The following KCNG4 variants were observed in gnomAD, a reference collection of about 807,000 sequenced individuals.
KCNG4 encodes the protein voltage-gated potassium channel regulatory subunit KCNG4.
Under a neutral mutation model 28.2 loss-of-function variants are expected in KCNG4, and 30 were observed. The ratio of observed to expected loss-of-function variants is 1.06; its 90% confidence interval spans 0.80 to 1.44. KCNG4 has a LOEUF of 1.44. Ranked by LOEUF, KCNG4 falls within the 40% of genes most tolerant of loss-of-function variation. KCNG4 has a pLI of 0.00. For synonymous variants in KCNG4, 375 were observed against 315.5 expected (o/e 1.19, Z -2.00); for missense variants, 879 against 712.3 (o/e 1.23, Z -2.66).
chr16:84,230,761 AG>A (rs1904809333), intron 2 of KCNG4, among the ~76,000 whole-genome samples: 1 of 152,196 alleles, frequency 6.6e-6, no homozygotes, highest in Admixed American at 6.5e-5. Context: ...TGGTTGCCAT[AG>A]GGTGTGCATG....
Position 84,236,966 on chromosome 16 carries a change from C to G in KCNG4, c.520G>C (p.Glu174Gln). ...TCCTCCCTGTGCAGCTTGGCCAGCT[C>G]CTCCAGCTCCTCCAGCTTCCTCAGC... Reference protein sequence around the residue: ...KLLRKLEELEELAKLHREDVL... With the variant: ...KLLRKLEELEQLAKLHREDVL... Residue 174 changes from glutamate (E) to glutamine (Q), a missense_variant, in exon 2 of 3, where the codon GAG becomes CAG. By Grantham distance (29) the Glu-to-Gln change is conservative (BLOSUM62 2). Coordinates refer to ENST00000308251, the MANE Select transcript of KCNG4 (RefSeq NM_172347.3). 6.2e-7 allele frequency: 1 copy of G among 1,613,270 alleles called. No homozygotes were observed. The highest frequency in any genetic ancestry group is 8.5e-7 in the Non-Finnish European group (1 of 1,179,668).
rs58296563 is a variant in KCNG4, at chr16:84,224,403, T to TACACACACACACACACACAC, written c.757-1403_757-1384dup. Among the ~76,000 whole-genome samples, 6 of 58,640 alleles carry TACACACACACACACACACAC rather than the reference T, an allele frequency of 1.0e-4. 1 individual carries two copies. The highest frequency in any genetic ancestry group is 1.8e-4 in the Non-Finnish European group (5 of 28,160). The allele number at this position is 58,640 out of a possible 152,430, so 38.5% of individuals were successfully genotyped here. On this transcript the variant is annotated intron_variant, in intron 2 of 2. Coordinates refer to ENST00000308251, the MANE Select transcript of KCNG4 (RefSeq NM_172347.3). ...GGTAGAAAACTTTGCTATACATATT[T>TACACACACACACACACACAC]ACACACACACACACACACACACACA...
In KCNG4 at chr16:84,237,212, G is replaced by C. The variant is rs1301190896; in HGVS notation, c.274C>G (p.Arg92Gly). ...AGCTGCACGATCTCCTCGTAGCTCC[G>C]ACAGAGCCTGAGTTTGCTCAGGCGG... ...LSRLSKLRLC[R>G]SYEEIVQLCD... The change falls in exon 2 of 3, where the codon CGG becomes GGG. Residue 92 changes from arginine (R) to glycine (G), a missense_variant. Coordinates refer to ENST00000308251, the MANE Select transcript of KCNG4 (RefSeq NM_172347.3). 9.3e-6 allele frequency: 15 copies of C among 1,614,102 alleles called. No homozygotes were observed. Among genetic ancestry groups the C allele is most frequent in the Admixed American group, 1.7e-5 (1 of 60,018 alleles).
chr16:84,238,679 C>G (rs1450475058), intron 1 of KCNG4, among the ~76,000 whole-genome samples: 1 of 152,146 alleles, frequency 6.6e-6, no homozygotes, highest in Non-Finnish European at 1.5e-5. Flanking sequence ...TCGAGACCAG[C>G]CTGGCCAATG....
At chr16:84,223,506 C>A (rs1443031848) in intron 2 of KCNG4, among the ~76,000 whole-genome samples, 1 of 152,134 alleles carries the variant, frequency 6.6e-6, no homozygotes, top group Non-Finnish European at 1.5e-5. Flanking sequence ...TAAAACTATT[C>A]TAGTTTGGGG....
chr16:84,234,234 C>A (rs1904890122), intron 2 of KCNG4, among the ~76,000 whole-genome samples: 1 of 152,204 alleles, frequency 6.6e-6, no homozygotes, highest in Admixed American at 6.5e-5. Flanking sequence ...AGTGCAGTGG[C>A]ACAATCTTGG....
intron 2 of KCNG4, among the ~76,000 whole-genome samples, chr16:84,227,664 C>T (rs770188343): frequency 3.9e-5 from 6 of 152,120 alleles, no homozygotes; most frequent in African/African-American, 1.4e-4. Flanking sequence ...AAAGTAGAGA[C>T]AACTTAAACA....
At chr16:84,236,679 G>T (rs780551106) in intron 2 of KCNG4, 51 bp downstream of exon 2, 3 of 1,540,760 alleles carry the variant, frequency 1.9e-6, no homozygotes, top group Non-Finnish European at 1.7e-6. Flanking sequence ...AGACATCTCC[G>T]CCCAGGCACC....
rs79765327 is a variant in KCNG4, at chr16:84,227,725, A to C, written c.757-4705T>G. 1.7e-3 allele frequency among the ~76,000 whole-genome samples: 261 copies of C among 152,364 alleles called. 7 individuals are homozygous for C. In the East Asian group the frequency reaches 0.044, roughly 26 times the overall value. On this transcript the variant is annotated intron_variant, in intron 2 of 2. Coordinates refer to ENST00000308251, the MANE Select transcript of KCNG4 (RefSeq NM_172347.3). ...AAAATGCGGCCTATTCATACAATGGAATAGTAGTCAGCCATGAAAAGGAAT... is the reference window on the plus strand; with the variant it reads ...AAAATGCGGCCTATTCATACAATGGCATAGTAGTCAGCCATGAAAAGGAAT...
chr16:84,228,189 A>G (rs1480682710), intron 2 of KCNG4, among the ~76,000 whole-genome samples: 1 of 152,184 alleles, frequency 6.6e-6, no homozygotes, highest in Non-Finnish European at 1.5e-5. Flanking sequence ...CAGTTCTGGA[A>G]GCTCCATCTG....
chr16:84,232,585 T>C (rs571780902), intron 2 of KCNG4, among the ~76,000 whole-genome samples: 1 of 152,230 alleles, frequency 6.6e-6, no homozygotes, highest in Non-Finnish European at 1.5e-5. Context: ...TTTCATGTTA[T>C]GTAAATGTCA....
At chr16:84,224,403 T>TAC (rs58296563) in intron 2 of KCNG4, among the ~76,000 whole-genome samples, 942 of 58,656 alleles carry the variant, frequency 0.016, 4 homozygotes, top group South Asian at 0.065. Context: ...TATACATATT[T>TAC]ACACACACAC....
chr16:84,226,407 A>G lies in KCNG4; in HGVS notation c.757-3387T>C, dbSNP rs1904698638. ...GGGAGCTTTCTGGGGTCACAGAAAT[A>G]TTCTATACTCACAGGGGAGAGGCTG... is the stretch of plus-strand genomic sequence containing the variant. On this transcript the variant is annotated intron_variant, in intron 2 of 2. Transcript: ENST00000308251. This position sits in a 1 kb window ranked among gnomAD's most constrained non-coding sequence, Gnocchi z 4.1. 6.6e-6 allele frequency among the ~76,000 whole-genome samples: 1 copy of G among 152,180 alleles called. No homozygotes were observed. The highest frequency in any genetic ancestry group is 2.4e-5 in the African/African-American group (1 of 41,440).
intron 2 of KCNG4, among the ~76,000 whole-genome samples, chr16:84,228,525 C>T (rs1904747809): frequency 6.6e-6 from 1 of 152,150 alleles, no homozygotes; most frequent in Non-Finnish European, 1.5e-5. Context: ...GCTACCCTCC[C>T]CTCCTTTACT....
chr16:84,236,528 G>A (rs1261324286), intron 2 of KCNG4: 2 of 726,260 alleles, frequency 2.8e-6, no homozygotes, highest in Non-Finnish European at 4.3e-6. Context: ...TTTTGCCTTT[G>A]CAGGACTCCA....
chr16:84,236,838 G>C lies in KCNG4; in HGVS notation c.648C>G (p.Ser216=), dbSNP rs760236076. ...RLREMVENPQ[S]GLPGKVFACL... is the part of the protein sequence containing the mutation. The stretch of plus-strand genomic sequence containing the variant: ...AAGCGAAGACCTTCCCGGGCAGCCC[G>C]GACTGCGGGTTTTCCACCATCTCGC... The change falls in exon 2 of 3, where the codon TCC becomes TCG. Residue 216 remains serine (S), a synonymous_variant. Coordinates refer to ENST00000308251, the MANE Select transcript of KCNG4 (RefSeq NM_172347.3). 6.2e-7 allele frequency: 1 copy of C among 1,613,504 alleles called. No homozygotes were observed. The highest frequency in any genetic ancestry group is 1.3e-5 in the African/African-American group (1 of 74,940).
chr16:84,235,293 G>A (rs1022244271), intron 2 of KCNG4: 1 of 152,214 alleles, frequency 6.6e-6, no homozygotes, highest in African/African-American at 2.4e-5. Context: ...GCATCCAGGG[G>A]CCTTTCTTTA....
rs372248294 is a variant in KCNG4 at position 84,226,379 on chromosome 16, C to T, written c.757-3359G>A. On this transcript the variant is annotated intron_variant, in intron 2 of 2. Transcript: ENST00000308251. This position sits in a 1 kb window ranked among gnomAD's most constrained non-coding sequence, Gnocchi z 4.1. ...TGTAGGGATGGCCTGTGAAGGGCCA[C>T]GAGGGAGCTTTCTGGGGTCACAGAA... 9.9e-5 allele frequency among the ~76,000 whole-genome samples: 15 copies of T among 151,990 alleles called. 1 individual carries two copies. The highest frequency in any genetic ancestry group is 7.2e-4 in the Admixed American group (11 of 15,260).
chr16:84,221,996 A>G lies in KCNG4; in HGVS notation c.*221T>C, dbSNP rs1305055205. 1.7e-6 allele frequency: 1 copy of G among 575,252 alleles called. No individual in the cohort carries two copies. The highest frequency in any genetic ancestry group is 3.1e-6 in the Non-Finnish European group (1 of 323,488). The allele number at this position is 575,252 out of a possible 1,614,324, so 35.6% of individuals were successfully genotyped here. Reference sequence around the variant, plus strand: ...ACATGCTCAGTAGATGGGCAGAGAGAGGAAAAGGCAAGCAGGCTGGACACA... The same window carrying G: ...ACATGCTCAGTAGATGGGCAGAGAGGGGAAAAGGCAAGCAGGCTGGACACA... On this transcript the variant is annotated 3_prime_UTR_variant, in exon 3 of 3. Transcript: ENST00000308251.
Sources: gnomAD v4.1 joint callset for allele counts (sites outside exome capture counted in the v4.1 genomes callset) on GRCh38, gnomAD v4.1.1 for gene constraint, Gnocchi (gnomAD v3.1) non-coding constraint, MANE v1.5 for transcripts, NCBI Gene and HGNC (gene_info 2026-07-23, HGNC 2026-07-21) for gene names.